Variants in FAM135A observed in about 807,000 individuals in gnomAD.
FAM135A encodes family with sequence similarity 135 member A.
A neutral mutation model predicts 146.8 loss-of-function variants in FAM135A; 79 were observed. The ratio of observed to expected loss-of-function variants is 0.54; its 90% CI spans 0.45 to 0.65. The LOEUF (loss-of-function observed/expected upper bound fraction) is 0.65, where lower values mean the gene tolerates loss of function less well. FAM135A is among the 30% of genes least tolerant of loss of function. FAM135A has a pLI of 0.00. For synonymous variants in FAM135A, 562 were observed against 603.6 expected, an observed-to-expected ratio of 0.93 and a Z score of 1.01; for missense variants, 1,623 against 1,758.2, an observed-to-expected ratio of 0.92 and a Z score of 1.38.
chr6:70,538,454 A>G, intron 20 of FAM135A, 53 bp downstream of exon 20: 1 of 1,008,004 alleles, frequency 9.9e-7, no homozygotes, highest in East Asian at 3.0e-5. Flanking sequence ...TTTTTAAAAA[A>G]TAAACATTTA....
chr6:70,513,964 C>A (rs1377816737), intron 12 of FAM135A, among the ~76,000 whole-genome samples: 3 of 151,308 alleles, frequency 2.0e-5, no homozygotes, highest in Non-Finnish European at 3.0e-5. Flanking sequence ...TGCCTTGTTG[C>A]AGTTTTATTG....
At chr6:70,541,602 A>G (rs1013750608) in intron 20 of FAM135A, among the ~76,000 whole-genome samples, 3 of 151,840 alleles carry the variant, frequency 2.0e-5, no homozygotes, top group African/African-American at 7.3e-5. Context: ...CACTCTGTAC[A>G]TTCTTCTTGG....
At position 70,486,428 on chromosome 6, in the gene FAM135A, AT is replaced by A. The variant is rs1401463919; in HGVS notation, c.823+4277del. 1.8e-4 allele frequency among the ~76,000 whole-genome samples: 28 copies of A among 152,296 alleles called. 1 individual carries two copies. The highest frequency in any genetic ancestry group is 3.4e-3 in the Middle Eastern group (1 of 294). On this transcript the variant is annotated intron_variant, in intron 10 of 21. Coordinates refer to ENST00000418814, the MANE Select transcript of FAM135A (RefSeq NM_001162529.3). ...TAAATTTTGGTTAATTTCCTAATTA[AT>A]TTGTAATATTGAAGTTTTTACTTAA... is the stretch of plus-strand genomic sequence containing the variant.
At chr6:70,479,041 A>G (rs1385202718) in intron 8 of FAM135A, among the ~76,000 whole-genome samples, 2 of 152,098 alleles carry the variant, frequency 1.3e-5, no homozygotes, top group Admixed American at 1.3e-4. Context: ...AGTTTTCTAA[A>G]TCTCTTCTTT....
chr6:70,429,874 A>C (rs918428490), intron 4 of FAM135A, among the ~76,000 whole-genome samples: 1 of 152,212 alleles, frequency 6.6e-6, no homozygotes, highest in African/African-American at 2.4e-5. Context: ...TGGGACTAAC[A>C]GAAGAAGTAG....
At chr6:70,482,322 A>G (rs1783882278) in intron 10 of FAM135A, among the ~76,000 whole-genome samples, 168 bp downstream of exon 10, 1 of 152,102 alleles carries the variant, frequency 6.6e-6, no homozygotes, top group Non-Finnish European at 1.5e-5. Flanking sequence ...CACTTTTTGC[A>G]ATTTAAAAGT....
chr6:70,493,635 A>G (rs1180942894), intron 11 of FAM135A, among the ~76,000 whole-genome samples: 1 of 152,202 alleles, frequency 6.6e-6, no homozygotes, highest in Non-Finnish European at 1.5e-5. Flanking sequence ...CTTAGTGTAT[A>G]CCAAAAGCTA....
chr6:70,427,160 A>G (rs868406266), intron 3 of FAM135A, among the ~76,000 whole-genome samples: 3 of 152,152 alleles, frequency 2.0e-5, no homozygotes, highest in Admixed American at 1.3e-4. Context: ...TTTTTTTTAA[A>G]TAGTGAAAAA....
intron 5 of FAM135A, among the ~76,000 whole-genome samples, chr6:70,462,703 T>TTG (rs1779659162): frequency 6.6e-6 from 1 of 152,186 alleles, no homozygotes; most frequent in Non-Finnish European, 1.5e-5. Context: ...ATAATATTTT[T>TTG]TGTGTGTGTA....
At chr6:70,514,017 G>T (rs566032660) in intron 12 of FAM135A, among the ~76,000 whole-genome samples, 1 of 151,496 alleles carries the variant, frequency 6.6e-6, no homozygotes, top group African/African-American at 2.4e-5. Flanking sequence ...TCTTGCTTAG[G>T]ATTTGCTGAT....
chr6:70,419,418 C>CA lies in FAM135A; in HGVS notation c.-134+4057dup, dbSNP rs3029152. ...TGGGTGACAGAGCGAGACTTCGTCT[C>CA]AAAAAAAAAAAAAAAGTATTCCTGT... is the stretch of plus-strand genomic sequence containing the variant. On this transcript the variant is annotated intron_variant, in intron 2 of 21. Coordinates refer to ENST00000418814, the MANE Select transcript of FAM135A (RefSeq NM_001162529.3). Among the ~76,000 whole-genome samples, 9 of 146,096 alleles carry CA rather than the reference C, an allele frequency of 6.2e-5. No homozygotes were observed. The East Asian group carries it at 1.6e-3, about 26-fold the overall frequency.
intron 12 of FAM135A, among the ~76,000 whole-genome samples, chr6:70,506,164 G>T (rs1789719578): frequency 6.6e-6 from 1 of 152,136 alleles, no homozygotes; most frequent in Non-Finnish European, 1.5e-5. Context: ...GTAAATTAAA[G>T]TGATGTTGAT....
Position 70,501,368 on chromosome 6 carries a change from C to T in FAM135A, c.874-1268C>T, listed in dbSNP as rs999738728. ...CCTACCAAGCTTGATCTTCCCCAGT[C>T]GGCTTCAGACTGCTGTGCTGGCAGC... On this transcript the variant is annotated intron_variant, in intron 11 of 21. Transcript: ENST00000418814. Among the ~76,000 whole-genome samples, 7 of 152,198 alleles carry T rather than the reference C, an allele frequency of 4.6e-5. 1 individual carries two copies. The highest frequency in any genetic ancestry group is 2.6e-4 in the Admixed American group (4 of 15,278).
chr6:70,488,442 C>T (rs759276427), intron 10 of FAM135A, among the ~76,000 whole-genome samples: 2 of 144,236 alleles, frequency 1.4e-5, no homozygotes, highest in Non-Finnish European at 3.0e-5. Context: ...AGACTGTAAC[C>T]TTGGATTAGT....
At chr6:70,550,846 A>G (rs577238073) in intron 20 of FAM135A, among the ~76,000 whole-genome samples, 15 of 152,314 alleles carry the variant, frequency 9.8e-5, no homozygotes, top group African/African-American at 3.6e-4. Context: ...TCTGCTTTTT[A>G]GTGTAGTCTT....
At chr6:70,519,199 A>G (rs1407782558) in intron 12 of FAM135A, among the ~76,000 whole-genome samples, 2 of 152,204 alleles carry the variant, frequency 1.3e-5, no homozygotes, top group Non-Finnish European at 2.9e-5. Flanking sequence ...AATAACTGCA[A>G]ATGTGGTATA....
chr6:70,500,965 A>T (rs1008609996), intron 11 of FAM135A, among the ~76,000 whole-genome samples: 1 of 152,130 alleles, frequency 6.6e-6, no homozygotes, highest in Admixed American at 6.5e-5. Context: ...GGGGTCAGGG[A>T]CCCACTTGAG....
chr6:70,504,696 G>C (rs946308292), intron 12 of FAM135A: 3 of 152,140 alleles, frequency 2.0e-5, no homozygotes, highest in African/African-American at 7.2e-5. Flanking sequence ...TAAAAAGTTG[G>C]CCAGGAGCAG....
chr6:70,481,121 T>C (rs1257341129), intron 9 of FAM135A, 94 bp downstream of exon 9: 1 of 1,199,788 alleles, frequency 8.3e-7, no homozygotes, highest in Non-Finnish European at 1.1e-6. Flanking sequence ...TTTTTTAAAT[T>C]ATTTCAGCTC....
Sources: allele counts gnomAD v4.1 joint callset (sites outside exome capture counted in the v4.1 genomes callset), GRCh38; gene constraint gnomAD v4.1.1; transcripts MANE v1.5; gene names NCBI Gene and HGNC (gene_info 2026-07-23, HGNC 2026-07-21).